The following ERC1 variants were observed in gnomAD, a reference collection of about 807,000 sequenced individuals.
The protein encoded by ERC1 is ELKS/RAB6-interacting/CAST family member 1, also known as RAB6 interacting protein 2.
A neutral mutation model predicts 132.0 loss-of-function variants in ERC1; 56 were observed. The observed-to-expected ratio is 0.42, with a 90% CI of 0.34 to 0.53. The LOEUF is 0.53. Ranked by LOEUF, ERC1 falls within the 20% of genes least tolerant of loss-of-function variation. The probability of loss-of-function intolerance (pLI) is 0.03; values close to 1 mark genes in which losing one functional copy is unlikely to be tolerated. For synonymous variants in ERC1, 478 were observed against 476.1 expected, an observed-to-expected ratio of 1.00 and a Z score of -0.05; for missense variants, 1,202 against 1,349.9, an observed-to-expected ratio of 0.89 and a Z score of 1.72.
At chr12:1,057,407 T>C (rs1355616350) in intron 2 of ERC1, among the ~76,000 whole-genome samples, 2 of 152,162 alleles carry the variant, frequency 1.3e-5, no homozygotes, top group African/African-American at 2.4e-5. Flanking sequence ...CTTACAGGCA[T>C]GAGCCACTGC....
At chr12:1,230,142 G>T (rs953508503) in intron 12 of ERC1, among the ~76,000 whole-genome samples, 3 of 151,886 alleles carry the variant, frequency 2.0e-5, no homozygotes, top group African/African-American at 7.3e-5. Flanking sequence ...GAGTAGCTGG[G>T]ATTACAGGCA....
Position 1,189,952 on chromosome 12 carries a change from T to C in ERC1, c.2251T>C (p.Ser751Pro). ...AGAGATCACCAGGTACAAAGATGAATCTAGCAAGGCCCAGGCAGAAGTTGA... is the reference window on the plus strand; with the variant it reads ...AGAGATCACCAGGTACAAAGATGAACCTAGCAAGGCCCAGGCAGAAGTTGA... ...EREITRYKDESSKAQAEVDRL... is the reference protein window; with the variant it reads ...EREITRYKDEPSKAQAEVDRL... Residue 751 changes from serine to proline, a missense_variant, in exon 12 of 19, where the codon TCT becomes CCT. Physicochemically the swap from Ser to Pro is moderately conservative, Grantham distance 74. Coordinates refer to ENST00000360905, the MANE Select transcript of ERC1 (RefSeq NM_178040.4). 4 of 1,614,086 alleles carry C rather than the reference T, an allele frequency of 2.5e-6. No individual in the cohort carries two copies. The highest frequency in any genetic ancestry group is 3.4e-6 in the Non-Finnish European group (4 of 1,179,982).
At chr12:1,156,959 C>CCTGTTTT (rs1332960632) in intron 8 of ERC1, among the ~76,000 whole-genome samples, 1 of 151,726 alleles carries the variant, frequency 6.6e-6, no homozygotes. Flanking sequence ...AATACATTTT[C>CCTGTTTT]CTGTTTTTTG....
chr12:1,167,801 C>G (rs1182184657), intron 8 of ERC1, among the ~76,000 whole-genome samples: 1 of 151,440 alleles, frequency 6.6e-6, no homozygotes, highest in Non-Finnish European at 1.5e-5. Flanking sequence ...ACTGCAACCT[C>G]CGCCTCCTGG....
chr12:1,079,760 G>A (rs1158722581), intron 2 of ERC1, among the ~76,000 whole-genome samples: 2 of 133,234 alleles, frequency 1.5e-5, no homozygotes, highest in African/African-American at 5.3e-5. Context: ...GACAAAAGTC[G>A]ATATACAGAG....
chr12:1,145,173 C>A (rs1486592811), intron 8 of ERC1, among the ~76,000 whole-genome samples: 2 of 151,994 alleles, frequency 1.3e-5, no homozygotes, highest in East Asian at 1.9e-4. Context: ...CTCGCCACCA[C>A]GCCCCACTAA....
intron 5 of ERC1, 68 bp from the exon 6 acceptor site, chr12:1,112,147 C>A: frequency 9.5e-7 from 1 of 1,051,514 alleles, no homozygotes. Flanking sequence ...ACCATTCTGC[C>A]TCAAAAGTAG....
intron 2 of ERC1, among the ~76,000 whole-genome samples, chr12:1,052,559 A>G (rs893766527): frequency 6.6e-6 from 1 of 152,236 alleles, no homozygotes; most frequent in Admixed American, 6.5e-5. Context: ...ATAGTGCTCC[A>G]TTAACTTGTT....
At chr12:1,310,305 C>T (rs1432405816) in intron 15 of ERC1, among the ~76,000 whole-genome samples, 2 of 152,080 alleles carry the variant, frequency 1.3e-5, no homozygotes, top group African/African-American at 2.4e-5. Context: ...CGGCTCACTG[C>T]AACCTCTGCC....
chr12:1,345,564 T>G (rs1223827851), intron 15 of ERC1, among the ~76,000 whole-genome samples: 2 of 152,188 alleles, frequency 1.3e-5, no homozygotes, highest in African/African-American at 4.8e-5. Context: ...GGGTTATGTT[T>G]TACAACAGCA....
At chr12:1,413,288 T>G (rs1372601789) in intron 17 of ERC1, among the ~76,000 whole-genome samples, 1 of 151,980 alleles carries the variant, frequency 6.6e-6, no homozygotes, top group Non-Finnish European at 1.5e-5. Flanking sequence ...ACTCTCCTCT[T>G]GGCCTATAGA....
At chr12:1,285,462 C>CAATG (rs2078982652) in intron 14 of ERC1, among the ~76,000 whole-genome samples, 1 of 151,984 alleles carries the variant, frequency 6.6e-6, no homozygotes, top group Admixed American at 6.6e-5. Flanking sequence ...AAAAATGGCA[C>CAATG]AATGAACAAT....
At position 1,289,961 on chromosome 12, in the gene ERC1, C is replaced by G; in HGVS notation, c.2729C>G (p.Thr910Ser). 1.9e-6 allele frequency: 3 copies of G among 1,614,114 alleles called. No homozygotes were observed. Among genetic ancestry groups the G allele is most frequent in the Non-Finnish European group, 2.5e-6 (3 of 1,179,938 alleles). Residue 910 changes from threonine to serine, a missense_variant, in exon 15 of 19, where the codon ACT becomes AGT. Thr to Ser is a moderately conservative substitution (Grantham distance 58, BLOSUM62 1). Coordinates refer to ENST00000360905, the MANE Select transcript of ERC1 (RefSeq NM_178040.4). Reference sequence around the variant, plus strand: ...CTGGCAGAAAAGGAAACTCACTTGACTAATCTTCGGGCAGAGAGAAGGAAA... The same window carrying G: ...CTGGCAGAAAAGGAAACTCACTTGAGTAATCTTCGGGCAGAGAGAAGGAAA... ...QSLAEKETHL[T>S]NLRAERRKHL...
intron 2 of ERC1, among the ~76,000 whole-genome samples, chr12:1,080,768 T>C (rs1425891219): frequency 1.3e-5 from 2 of 152,198 alleles, no homozygotes; most frequent in Non-Finnish European, 2.9e-5. Flanking sequence ...CATGTGGAAC[T>C]GTAAGTCCAA....
At chr12:1,058,026 GT>G (rs1197903219) in intron 2 of ERC1, among the ~76,000 whole-genome samples, 1 of 151,424 alleles carries the variant, frequency 6.6e-6, no homozygotes, top group African/African-American at 2.4e-5. Context: ...TTTTGTTTTT[GT>G]TTTTTTGTTT....
intron 17 of ERC1, among the ~76,000 whole-genome samples, chr12:1,418,666 T>TCTC (rs1438202875): frequency 2.3e-5 from 2 of 86,792 alleles, no homozygotes; most frequent in African/African-American, 5.1e-5. Context: ...TCTCTCTTTC[T>TCTC]TTTCTTTCTT....
chr12:1,352,861 G>A (rs535771028), intron 15 of ERC1, among the ~76,000 whole-genome samples: 3 of 152,104 alleles, frequency 2.0e-5, no homozygotes, highest in Non-Finnish European at 4.4e-5. Context: ...CCTATGTAAG[G>A]GAATGTGTAT....
chr12:1,297,198 T>TAAA (rs35473192), intron 15 of ERC1, among the ~76,000 whole-genome samples: 1 of 130,340 alleles, frequency 7.7e-6, no homozygotes. Flanking sequence ...TTCAGGGTAC[T>TAAA]AAAAAAAAAA....
At chr12:1,332,661 A>G (rs1039011944) in intron 15 of ERC1, among the ~76,000 whole-genome samples, 8 of 151,784 alleles carry the variant, frequency 5.3e-5, no homozygotes, top group Admixed American at 1.3e-4. Context: ...GGTTGGAGGC[A>G]CCCCCCAAAT....
Sources: gnomAD v4.1 joint callset for allele counts (sites outside exome capture counted in the v4.1 genomes callset) on GRCh38, gnomAD v4.1.1 for gene constraint, MANE v1.5 for transcripts, NCBI Gene and HGNC (gene_info 2026-07-23, HGNC 2026-07-21) for gene names.